Variants in ABCC2 observed in about 807,000 individuals in gnomAD.
ABCC2 encodes ATP-binding cassette sub-family C member 2.
ABCC2 carries 157 observed loss-of-function variants against 173.4 expected under a neutral mutation model. The observed-to-expected ratio is 0.91, with a 90% CI of 0.80 to 1.03. ABCC2 has a LOEUF of 1.03. ABCC2 is among the 50% of genes least tolerant of loss of function. The pLI, the probability that ABCC2 is intolerant of heterozygous loss-of-function variation, is 0.00. For synonymous variants in ABCC2, 657 were observed against 693.5 expected (o/e 0.95, Z 0.83); for missense variants, 1,822 against 1,852.3 (o/e 0.98, Z 0.30).
chr10:99,819,413 C>A, intron 19 of ABCC2, 144 bp downstream of exon 19: 1 of 855,266 alleles, frequency 1.2e-6, no homozygotes, highest in Non-Finnish European at 1.9e-6. Context: ...TTTCTGGGTT[C>A]TGTGTCTCTT....
intron 30 of ABCC2, 65 bp from the exon 31 acceptor site, chr10:99,850,537 C>A (rs965568569): frequency 4.0e-6 from 6 of 1,511,582 alleles, no homozygotes; most frequent in Middle Eastern, 2.1e-4. Context: ...TGAAAATGGT[C>A]CCCCTGCCCT....
Position 99,804,075 on chromosome 10 carries a change from C to A in ABCC2, c.1266C>A (p.Asn422Lys). Residue 422 changes from asparagine (N) to lysine (K), a missense_variant, in exon 10 of 32, where the codon AAC becomes AAA. Physicochemically the swap from Asn to Lys is moderately conservative, Grantham distance 94. Transcript: ENST00000647814. ...AGTACACCGTTGGAGAAACAGTGAA[C>A]CTGATGTCTGTGGATGCCCAGAAGC... is the stretch of plus-strand genomic sequence containing the variant. ...RKEYTVGETV[N>K]LMSVDAQKLM... 1 of 1,614,146 alleles carries A rather than the reference C, an allele frequency of 6.2e-7. No individual in the cohort carries two copies. The highest frequency in any genetic ancestry group is 1.1e-5 in the South Asian group (1 of 91,076).
intron 24 of ABCC2, among the ~76,000 whole-genome samples, chr10:99,834,934 C>G (rs540716863): frequency 1.2e-4 from 19 of 152,366 alleles, no homozygotes; most frequent in African/African-American, 4.3e-4. Context: ...TGACTTTGGA[C>G]AGGCATAGCT....
chr10:99,835,556 C>T (rs901074275), intron 24 of ABCC2, among the ~76,000 whole-genome samples: 1 of 152,142 alleles, frequency 6.6e-6, no homozygotes. Flanking sequence ...CAGCACTCTG[C>T]ATACCTCCAG....
chr10:99,782,815 A>G lies in ABCC2; in HGVS notation c.-30A>G. On this transcript the variant is annotated 5_prime_UTR_variant, in exon 1 of 32. Transcript: ENST00000647814. The stretch of plus-strand genomic sequence containing the variant: ...AACAACACAATCATATTAATAGAAG[A>G]GTCTTCGTTCCAGACGCAGTCCAGG... 1 of 1,612,482 alleles carries G rather than the reference A, an allele frequency of 6.2e-7. No individual in the cohort carries two copies. The highest frequency in any genetic ancestry group is 1.1e-5 in the South Asian group (1 of 91,048).
At chr10:99,784,889 G>T in intron 2 of ABCC2, 108 bp downstream of exon 2, 2 of 1,403,884 alleles carry the variant, frequency 1.4e-6, no homozygotes, top group South Asian at 1.2e-5. Flanking sequence ...TGTCCCAGGT[G>T]CCATTGTCTC....
chr10:99,794,862 T>C (rs1426386543), intron 6 of ABCC2, among the ~76,000 whole-genome samples: 1 of 152,196 alleles, frequency 6.6e-6, no homozygotes, highest in Non-Finnish European at 1.5e-5. Context: ...TTTTTAAAAA[T>C]GCCTCCTGTG....
intron 12 of ABCC2, among the ~76,000 whole-genome samples, chr10:99,807,862 C>T (rs1399462546): frequency 6.6e-6 from 1 of 152,110 alleles, no homozygotes; most frequent in Non-Finnish European, 1.5e-5. Context: ...ATATAGGATC[C>T]AGGAGACCTG....
At position 99,814,499 on chromosome 10, in the gene ABCC2, ATG is replaced by A. The variant is rs758645861; in HGVS notation, c.2094+1363_2094+1364del. The stretch of plus-strand genomic sequence containing the variant: ...TGTATATACATACACACAAACATAT[ATG>A]TGTGTGTATGTGTATATATACATAT... On this transcript the variant is annotated intron_variant, in intron 16 of 31. Coordinates refer to ENST00000647814, the MANE Select transcript of ABCC2 (RefSeq NM_000392.5). Among the ~76,000 whole-genome samples the A allele has an allele frequency of 4.2e-3, 456 of 109,762 alleles. 99 individuals are homozygous for A. Among genetic ancestry groups the A allele is most frequent in the Non-Finnish European group, 7.4e-3 (375 of 50,382 alleles). 72.0% of individuals were successfully genotyped at this position (109,762 alleles called of 152,430 possible).
chr10:99,811,385 TAGG>T, intron 14 of ABCC2, 148 bp from the exon 15 acceptor site: 5 of 766,510 alleles, frequency 6.5e-6, no homozygotes, highest in South Asian at 6.0e-5. Context: ...GGTCTCATTC[TAGG>T]AGATTTCATT....
intron 9 of ABCC2, among the ~76,000 whole-genome samples, chr10:99,801,873 G>C (rs1234900470): frequency 6.6e-6 from 1 of 152,160 alleles, no homozygotes; most frequent in Non-Finnish European, 1.5e-5. Context: ...GGTTCGTTGA[G>C]AGACAGTGGC....
chr10:99,846,249 C>G (rs564844148), intron 29 of ABCC2, among the ~76,000 whole-genome samples: 1 of 152,346 alleles, frequency 6.6e-6, no homozygotes, highest in East Asian at 1.9e-4. Flanking sequence ...TCTCTGGATC[C>G]TGCCAGATAA....
intron 8 of ABCC2, among the ~76,000 whole-genome samples, chr10:99,799,863 A>G (rs1391755523): frequency 1.3e-5 from 2 of 152,196 alleles, no homozygotes; most frequent in African/African-American, 4.8e-5. Context: ...TCTCACAGCC[A>G]TGGGTTATCA....
At chr10:99,814,163 G>GTA (rs1177115532) in intron 16 of ABCC2, among the ~76,000 whole-genome samples, 1 of 35,056 alleles carries the variant, frequency 2.9e-5, no homozygotes, top group Non-Finnish European at 5.7e-5. Flanking sequence ...GTATACACAC[G>GTA]TATATATACA....
At chr10:99,810,054 G>A in intron 13 of ABCC2, 80 bp from the exon 14 acceptor site, 1 of 1,329,792 alleles carries the variant, frequency 7.5e-7, no homozygotes. Flanking sequence ...GAAAATCATG[G>A]ACTAACGACA....
intron 24 of ABCC2, among the ~76,000 whole-genome samples, chr10:99,835,592 C>T (rs61870458): frequency 0.022 from 3,420 of 152,192 alleles, 45 homozygotes; most frequent in Non-Finnish European, 0.036. Flanking sequence ...CACACACCAC[C>T]GAGGCACAGT....
chr10:99,847,739 T>C (rs1052870423), intron 30 of ABCC2, among the ~76,000 whole-genome samples: 4 of 151,898 alleles, frequency 2.6e-5, no homozygotes, highest in African/African-American at 9.7e-5. Context: ...GCCAAGATGG[T>C]GAAACCCCGT....
chr10:99,782,686 G>A lies in ABCC2; in HGVS notation c.-159G>A, dbSNP rs535877050. 4.8e-6 allele frequency: 4 copies of A among 834,212 alleles called. No homozygotes were observed. Among genetic ancestry groups the A allele is most frequent in the East Asian group, 2.7e-5 (1 of 37,540 alleles). 51.7% of individuals were successfully genotyped at this position (834,212 alleles called of 1,614,324 possible). ...TTCAATGTAACATGCATCTAGGCAA[G>A]GTTAACGATTAAATGGTTGGGATGA... On this transcript the variant is annotated 5_prime_UTR_variant, in exon 1 of 32. Coordinates refer to ENST00000647814, the MANE Select transcript of ABCC2 (RefSeq NM_000392.5).
At chr10:99,816,706 G>A (rs1277239538) in intron 16 of ABCC2, among the ~76,000 whole-genome samples, 1 of 152,204 alleles carries the variant, frequency 6.6e-6, no homozygotes, top group African/African-American at 2.4e-5. Context: ...AGGAGAAGGT[G>A]AGCGGCGAGC....
Sources: gnomAD v4.1 joint callset for allele counts (sites outside exome capture counted in the v4.1 genomes callset) on GRCh38, gnomAD v4.1.1 for gene constraint, MANE v1.5 for transcripts, NCBI Gene and HGNC (gene_info 2026-07-23, HGNC 2026-07-21) for gene names.